RIMS2: variants seen among roughly 807,000 people sequenced by gnomAD.
RIMS2 encodes regulating synaptic membrane exocytosis 2, also known as regulating synaptic membrane exocytosis protein 2.
RIMS2 carries 59 observed loss-of-function variants against 174.4 expected under a neutral mutation model. That is an observed-to-expected ratio of 0.34 (90% CI 0.27 to 0.42). The LOEUF (loss-of-function observed/expected upper bound fraction) is 0.42. RIMS2 is among the 10% of genes least tolerant of loss of function. The pLI, the probability that RIMS2 is intolerant of heterozygous loss-of-function variation, is 1.00. For synonymous variants in RIMS2, 606 were observed against 572.5 expected (o/e 1.06, Z -0.84); for missense variants, 1,620 against 1,666.3 (o/e 0.97, Z 0.48).
At chr8:103,943,270 A>G (rs750346403) in intron 14 of RIMS2, among the ~76,000 whole-genome samples, 6 of 152,218 alleles carry the variant, frequency 3.9e-5, no homozygotes, top group Non-Finnish European at 4.4e-5. Context: ...ACATAGTTGT[A>G]TACACAAAAT....
In RIMS2 at chr8:103,607,977, G is replaced by A. The variant is rs772643303; in HGVS notation, c.177-89109G>A. Among the ~76,000 whole-genome samples, 244 of 145,970 alleles carry A rather than the reference G, an allele frequency of 1.7e-3. 4 individuals are homozygous for A. In the South Asian group the frequency reaches 0.018, roughly 11 times the overall value. On this transcript the variant is annotated intron_variant, in intron 1 of 23. Coordinates refer to ENST00000504942, the Ensembl canonical transcript of RIMS2. Reference sequence around the variant, plus strand: ...TCCCATAGCTCAGAGTAATTTGATCGTCTGAAGCCTTCTTCTCTCAGCTCG... The same window carrying A: ...TCCCATAGCTCAGAGTAATTTGATCATCTGAAGCCTTCTTCTCTCAGCTCG...
At chr8:103,550,361 T>A (rs1217916941) in intron 1 of RIMS2, among the ~76,000 whole-genome samples, 4 of 152,068 alleles carry the variant, frequency 2.6e-5, no homozygotes, top group African/African-American at 9.7e-5. Flanking sequence ...GGCCCCTGGG[T>A]ACCATAATGA....
chr8:104,010,829 T>G (rs1245253167), intron 17 of RIMS2, among the ~76,000 whole-genome samples: 1 of 152,118 alleles, frequency 6.6e-6, no homozygotes, highest in Non-Finnish European at 1.5e-5. Context: ...TGGCCACTCT[T>G]TTTGGAATAA....
chr8:103,856,369 C>T (rs1407701760), intron 3 of RIMS2, among the ~76,000 whole-genome samples: 1 of 152,116 alleles, frequency 6.6e-6, no homozygotes, highest in East Asian at 1.9e-4. Flanking sequence ...CTTGCTGTGT[C>T]GCAAAGCACT....
chr8:104,237,509 T>A (rs1298484846), intron 19 of RIMS2, among the ~76,000 whole-genome samples: 3 of 152,096 alleles, frequency 2.0e-5, no homozygotes, highest in Non-Finnish European at 2.9e-5. Flanking sequence ...GACAAACAAG[T>A]CACATGACCA....
chr8:104,123,650 C>CA (rs34217523), intron 19 of RIMS2, among the ~76,000 whole-genome samples: 297 of 139,966 alleles, frequency 2.1e-3, no homozygotes, highest in Middle Eastern at 0.011. Context: ...TGGTAGATTA[C>CA]AAAAAAAAAA....
chr8:103,699,169 A>T (rs1246889905), intron 2 of RIMS2, among the ~76,000 whole-genome samples: 17 of 152,160 alleles, frequency 1.1e-4, no homozygotes, highest in Admixed American at 6.5e-4. Context: ...GTATCCATGG[A>T]ATCTGCATTG....
chr8:103,562,983 A>G (rs2091832182), intron 1 of RIMS2, among the ~76,000 whole-genome samples: 1 of 152,164 alleles, frequency 6.6e-6, no homozygotes, highest in Admixed American at 6.5e-5. Context: ...AGCAGCTGGG[A>G]CACAGGGCAC....
At chr8:103,706,472 C>G (rs1367329667) in intron 2 of RIMS2, among the ~76,000 whole-genome samples, 1 of 151,826 alleles carries the variant, frequency 6.6e-6, no homozygotes, top group African/African-American at 2.4e-5. Flanking sequence ...TTTTGCATTT[C>G]TTGTAAAATA....
rs567032246 is a variant in RIMS2, at chr8:103,609,608, A to T, written c.177-87478A>T. Among the ~76,000 whole-genome samples the T allele has an allele frequency of 3.3e-5, 5 of 152,342 alleles. No homozygotes were observed. The South Asian group carries it at 1.0e-3, about 32-fold the overall frequency. The stretch of plus-strand genomic sequence containing the variant: ...GTTATCCCAGCACTCTTTATTAATT[A>T]GGAAGTCCTTTATTGCTTGTTTTTG... On this transcript the variant is annotated intron_variant, in intron 1 of 23. Coordinates refer to ENST00000504942, the Ensembl canonical transcript of RIMS2.
In RIMS2 at chr8:103,783,779, G is replaced by C. The variant is rs71520854; in HGVS notation, c.698+17242G>C. On this transcript the variant is annotated intron_variant, in intron 3 of 23. Transcript: ENST00000504942. ...ATGATTTATAGTCCTTTGGGTATAT[G>C]CCCAGTAATGGGATGGCTGGGTCAA... Among the ~76,000 whole-genome samples the C allele has an allele frequency of 5.4e-4, 80 of 148,918 alleles. 1 individual carries two copies. The highest frequency in any genetic ancestry group is 1.9e-3 in the African/African-American group (79 of 40,616).
At chr8:104,160,603 A>T (rs923814319) in intron 19 of RIMS2, among the ~76,000 whole-genome samples, 2 of 152,242 alleles carry the variant, frequency 1.3e-5, no homozygotes, top group Non-Finnish European at 2.9e-5. Flanking sequence ...CTTTCCAAAC[A>T]TGAAGGTTGC....
intron 1 of RIMS2, among the ~76,000 whole-genome samples, chr8:103,603,973 C>G (rs1482249296): frequency 2.0e-5 from 3 of 147,892 alleles, no homozygotes; most frequent in Non-Finnish European, 3.0e-5. Flanking sequence ...ATGGTAGTTT[C>G]TTTTGCTGTG....
chr8:103,610,100 A>G (rs528990886), intron 1 of RIMS2, among the ~76,000 whole-genome samples: 2 of 152,212 alleles, frequency 1.3e-5, no homozygotes, highest in South Asian at 4.2e-4. Flanking sequence ...GCAGTTGCGA[A>G]TGGAACTGCA....
At chr8:104,250,997 A>G (rs780676213) in intron 22 of RIMS2, 27 bp from the exon 29 acceptor site, 13 of 1,603,222 alleles carry the variant, frequency 8.1e-6, no homozygotes, top group Non-Finnish European at 1.0e-5. Flanking sequence ...TTTATTGCTC[A>G]TTCTCCTCTG....
chr8:104,011,616 A>G (rs1291859173), intron 17 of RIMS2, among the ~76,000 whole-genome samples: 1 of 152,058 alleles, frequency 6.6e-6, no homozygotes, highest in Non-Finnish European at 1.5e-5. Flanking sequence ...GTGAAATTGC[A>G]TATCCTAACA....
At chr8:103,698,600 A>G (rs558696974) in intron 2 of RIMS2, among the ~76,000 whole-genome samples, 1 of 152,098 alleles carries the variant, frequency 6.6e-6, no homozygotes, top group Non-Finnish European at 1.5e-5. Context: ...TCATTTTGTC[A>G]TGATGGATTA....
At chr8:103,923,249 C>G (rs17238125) in intron 10 of RIMS2, among the ~76,000 whole-genome samples, 19,274 of 151,596 alleles carry the variant, frequency 0.13, 1,691 homozygotes, top group Non-Finnish European at 0.19. Context: ...TGATCCCAGT[C>G]CATAAATAAA....
intron 3 of RIMS2, among the ~76,000 whole-genome samples, chr8:103,811,256 A>G (rs2098685983): frequency 6.6e-6 from 1 of 152,172 alleles, no homozygotes; most frequent in South Asian, 2.1e-4. Context: ...TCCTAACGCT[A>G]AAAGGATTTT....
Sources: gnomAD v4.1 joint callset for allele counts (sites outside exome capture counted in the v4.1 genomes callset) on GRCh38, gnomAD v4.1.1 for gene constraint, MANE v1.5 for transcripts, NCBI Gene and HGNC (gene_info 2026-07-23, HGNC 2026-07-21) for gene names.